Variants in NDUFA1 observed in about 807,000 individuals in gnomAD.
NDUFA1 encodes the protein NADH:ubiquinone oxidoreductase subunit A1, also known as NADH dehydrogenase [ubiquinone] 1 alpha subcomplex subunit 1.
For missense variants in NDUFA1, 42 were observed against 56.0 expected (o/e 0.75, Z 0.80); for synonymous variants, 21 against 20.0 (o/e 1.05, Z -0.14).
At chrX:119,875,042 T>A (rs911300999) in intron 2 of NDUFA1, among the ~76,000 whole-genome samples, 12 of 111,865 alleles carry the variant, frequency 1.1e-4, no homozygotes, top group Non-Finnish European at 2.3e-4. Flanking sequence ...GGACTCAACC[T>A]GGGTGATACA....
chrX:119,873,045 C>A (rs1366295364), intron 1 of NDUFA1, among the ~76,000 whole-genome samples: 2 of 81,990 alleles, frequency 2.4e-5, no homozygotes, highest in African/African-American at 9.4e-5. Flanking sequence ...CTAGATATTT[C>A]TTTTTTTTTT....
At chrX:119,872,685 CTT>C (rs11421024) in intron 1 of NDUFA1, among the ~76,000 whole-genome samples, 15 of 94,329 alleles carry the variant, frequency 1.6e-4, no homozygotes, top group Admixed American at 3.4e-4. Context: ...CCACGCCTGG[CTT>C]TTTTTTTTTT....
At position 119,876,519 on chromosome X, in the gene NDUFA1, G is replaced by A; in HGVS notation, c.198G>A (p.Leu66=). Residue 66 remains leucine, a synonymous_variant, in exon 3 of 3, where the codon TTG becomes TTA. Transcript: ENST00000371437. ...GVDRYYVSKG[L]ENID is the part of the protein sequence containing the mutation. Reference sequence around the variant, plus strand: ...CTTTTTAAACTGTTTTTCAGGGTTTGGAGAACATTGATTAAGGAAGCATTT... The same window carrying A: ...CTTTTTAAACTGTTTTTCAGGGTTTAGAGAACATTGATTAAGGAAGCATTT... 7 of 1,209,823 alleles carry A rather than the reference G, an allele frequency of 5.8e-6. No homozygotes were observed. Among genetic ancestry groups the A allele is most frequent in the Non-Finnish European group, 7.8e-6 (7 of 894,212 alleles).
At chrX:119,874,134 A>G (rs2056427106) in intron 2 of NDUFA1, among the ~76,000 whole-genome samples, 1 of 110,754 alleles carries the variant, frequency 9.0e-6, no homozygotes, top group Non-Finnish European at 1.9e-5. Flanking sequence ...AGTTATCGCA[A>G]TTACCCATTT....
intron 1 of NDUFA1, among the ~76,000 whole-genome samples, chrX:119,872,756 T>G (rs61456437): frequency 0.085 from 8,718 of 102,452 alleles, 395 homozygotes; most frequent in Middle Eastern, 0.19. Context: ...CTGACCTCGG[T>G]TGATCCACCC....
chrX:119,872,627 T>A (rs1456509551), intron 1 of NDUFA1, among the ~76,000 whole-genome samples: 5 of 107,008 alleles, frequency 4.7e-5, no homozygotes, highest in South Asian at 4.1e-4. Context: ...CAAAAAAAAA[T>A]AAATAAAGAA....
chrX:119,872,069 G>C, intron 1 of NDUFA1, 56 bp downstream of exon 1: 1 of 1,103,873 alleles, frequency 9.1e-7, no homozygotes. Flanking sequence ...GAAAAGGGTG[G>C]TGGGCAGGGA....
intron 1 of NDUFA1, 27 bp from the exon 2 acceptor site, chrX:119,873,277 G>A (rs938749838): frequency 8.7e-7 from 1 of 1,144,035 alleles, no homozygotes; most frequent in Non-Finnish European, 1.2e-6. Context: ...TTTATAAACT[G>A]CAACAATAAT....
At chrX:119,872,113 G>A in intron 1 of NDUFA1, 100 bp downstream of exon 1, 2 of 857,315 alleles carry the variant, frequency 2.3e-6, no homozygotes, top group Non-Finnish European at 3.4e-6. Flanking sequence ...CTCCGAGGTC[G>A]GCCCTCTACT....
At chrX:119,875,468 G>A (rs1264697187) in intron 2 of NDUFA1, among the ~76,000 whole-genome samples, 4 of 108,756 alleles carry the variant, frequency 3.7e-5, no homozygotes, top group African/African-American at 1.3e-4. Flanking sequence ...GGGATTACAG[G>A]TGCGCTGTAA....
intron 1 of NDUFA1, among the ~76,000 whole-genome samples, 182 bp downstream of exon 1, chrX:119,872,195 A>G (rs945621888): frequency 3.6e-5 from 4 of 112,373 alleles, no homozygotes; most frequent in African/African-American, 1.3e-4. Context: ...CTCTAGTGAA[A>G]AACAGCGTTT....
rs566882252 is a variant in NDUFA1 at position 119,873,470 on chromosome X, G to T, written c.192+77G>T. The T allele has an allele frequency of 2.0e-3, 1,524 of 759,646 alleles. 16 individuals carry two copies. In the South Asian group the frequency reaches 0.032, roughly 16 times the overall value. The allele number at this position is 759,646 out of a possible 1,213,427, so 62.6% of individuals were successfully genotyped here. A position where few individuals can be genotyped will look rare whatever the true frequency, so the allele number is the denominator to read the frequency against. On this transcript the variant is annotated intron_variant, in intron 2 of 2. Coordinates refer to ENST00000371437, the MANE Select transcript of NDUFA1 (RefSeq NM_004541.4). ...GTAATGCCTTGCCAAGGGTCATACAGTGCTAATATATAACTAGCATTTTCT... is the reference window on the plus strand; with the variant it reads ...GTAATGCCTTGCCAAGGGTCATACATTGCTAATATATAACTAGCATTTTCT...
chrX:119,873,099 T>C (rs2056422511), intron 1 of NDUFA1, among the ~76,000 whole-genome samples: 1 of 107,720 alleles, frequency 9.3e-6, no homozygotes, highest in African/African-American at 3.4e-5. Context: ...GTTAAAATAG[T>C]GTAAAAAGTC....
chrX:119,873,484 C>G (rs889703795), intron 2 of NDUFA1, 91 bp downstream of exon 2: 12 of 636,141 alleles, frequency 1.9e-5, no homozygotes, highest in Non-Finnish European at 3.1e-5. Context: ...TAATATATAA[C>G]TAGCATTTTC....
chrX:119,873,059 T>TA (rs1569466159), intron 1 of NDUFA1, among the ~76,000 whole-genome samples: 24 of 102,604 alleles, frequency 2.3e-4, no homozygotes, highest in East Asian at 6.0e-4. Flanking sequence ...TTTTTTTTTT[T>TA]TAAAAAAAAA....
chrX:119,873,498 T>C, intron 2 of NDUFA1, 105 bp downstream of exon 2: 3 of 571,609 alleles, frequency 5.2e-6, no homozygotes, highest in South Asian at 2.9e-5. Flanking sequence ...CATTTTCTTA[T>C]CTACTAGTGA....
intron 2 of NDUFA1, among the ~76,000 whole-genome samples, chrX:119,875,315 G>GTTT (rs1244653642): frequency 1.2e-5 from 1 of 86,533 alleles, no homozygotes; most frequent in African/African-American, 5.0e-5. Flanking sequence ...TCACTGATGA[G>GTTT]TCTTTTTTTT....
At chrX:119,873,187 AT>A (rs1328900954) in intron 1 of NDUFA1, 116 bp from the exon 2 acceptor site, 5 of 574,216 alleles carry the variant, frequency 8.7e-6, no homozygotes, top group South Asian at 2.4e-5. Context: ...ACTAATTTGC[AT>A]TTTTATTTAA....
At chrX:119,875,317 CTTT>C (rs61235666) in intron 2 of NDUFA1, among the ~76,000 whole-genome samples, 36 of 59,629 alleles carry the variant, frequency 6.0e-4, no homozygotes, top group African/African-American at 2.4e-3. Flanking sequence ...ACTGATGAGT[CTTT>C]TTTTTTTTTT....
Sources: allele counts gnomAD v4.1 joint callset (sites outside exome capture counted in the v4.1 genomes callset), GRCh38; gene constraint gnomAD v4.1.1; transcripts MANE v1.5; gene names NCBI Gene and HGNC (gene_info 2026-07-23, HGNC 2026-07-21).